WDR70: variants seen among roughly 807,000 people sequenced by gnomAD.
WDR70 encodes the protein WD repeat domain 70, also known as WD repeat-containing protein 70.
Under a neutral mutation model 88.6 loss-of-function variants are expected in WDR70, and 53 were observed. The ratio of observed to expected loss-of-function variants is 0.60; its 90% CI spans 0.48 to 0.75. The LOEUF (loss-of-function observed/expected upper bound fraction) is 0.75, where lower values mean the gene tolerates loss of function less well. Among genes scored for constraint, WDR70 ranks in the 30% least tolerant of loss-of-function variants. The pLI is 0.00. For synonymous variants in WDR70, 280 were observed against 270.0 expected (o/e 1.04, Z -0.36); for missense variants, 610 against 823.2 (o/e 0.74, Z 3.17).
chr5:37,404,401 C>A (rs918435423), intron 5 of WDR70, among the ~76,000 whole-genome samples: 31 of 152,064 alleles, frequency 2.0e-4, no homozygotes, highest in Non-Finnish European at 4.1e-4. Flanking sequence ...ATAGTGAAGC[C>A]ACTTTAAAGG....
At chr5:37,501,539 A>G (rs1225589051) in intron 8 of WDR70, among the ~76,000 whole-genome samples, 1 of 152,196 alleles carries the variant, frequency 6.6e-6, no homozygotes, top group African/African-American at 2.4e-5. Flanking sequence ...GTATTTTAAG[A>G]AAGTTTACAC....
intron 10 of WDR70, among the ~76,000 whole-genome samples, chr5:37,666,029 C>G (rs372870853): frequency 1.3e-5 from 2 of 152,170 alleles, no homozygotes; most frequent in Non-Finnish European, 2.9e-5. Context: ...AGCTTGGCAG[C>G]CAGGCTGAGG....
chr5:37,680,448 G>C (rs1484843608), intron 10 of WDR70, among the ~76,000 whole-genome samples: 8 of 152,076 alleles, frequency 5.3e-5, no homozygotes, highest in Non-Finnish European at 8.8e-5. Context: ...ATTGCTTTTG[G>C]CATGTTCATC....
At chr5:37,653,121 C>G (rs1745454235) in intron 10 of WDR70, among the ~76,000 whole-genome samples, 1 of 152,066 alleles carries the variant, frequency 6.6e-6, no homozygotes, top group Non-Finnish European at 1.5e-5. Context: ...TTCATCAATA[C>G]CTAGTTTCTT....
chr5:37,473,921 C>A (rs1739402537), intron 7 of WDR70, among the ~76,000 whole-genome samples: 3 of 152,098 alleles, frequency 2.0e-5, no homozygotes, highest in African/African-American at 7.2e-5. Flanking sequence ...ATGTTTAGAT[C>A]ATTGATTAAA....
intron 10 of WDR70, among the ~76,000 whole-genome samples, chr5:37,662,870 G>A (rs569179917): frequency 3.3e-5 from 5 of 152,268 alleles, no homozygotes; most frequent in African/African-American, 4.8e-5. Flanking sequence ...AAAGGGCTAC[G>A]TCAGTAGGAT....
At chr5:37,564,396 T>A (rs1436431153) in intron 9 of WDR70, among the ~76,000 whole-genome samples, 2 of 152,164 alleles carry the variant, frequency 1.3e-5, no homozygotes, top group African/African-American at 4.8e-5. Context: ...GTGTGGCGGC[T>A]TGCGCCTGCA....
At chr5:37,693,514 T>C (rs886623537) in intron 10 of WDR70, among the ~76,000 whole-genome samples, 15 of 152,112 alleles carry the variant, frequency 9.9e-5, no homozygotes, top group African/African-American at 3.4e-4. Context: ...AAAACAGATA[T>C]ATAGACCAAT....
chr5:37,475,207 ACGGT>A (rs1739442526), intron 7 of WDR70, among the ~76,000 whole-genome samples: 1 of 147,900 alleles, frequency 6.8e-6, no homozygotes, highest in Admixed American at 6.8e-5. Flanking sequence ...GGTGTGAGCC[ACGGT>A]ACCCATCCTT....
At chr5:37,669,863 A>T (rs1745970401) in intron 10 of WDR70, among the ~76,000 whole-genome samples, 1 of 152,256 alleles carries the variant, frequency 6.6e-6, no homozygotes, top group African/African-American at 2.4e-5. Context: ...GTGCTGATAC[A>T]TACTGCAACA....
chr5:37,497,349 C>G (rs1222544685), intron 8 of WDR70, among the ~76,000 whole-genome samples: 1 of 140,600 alleles, frequency 7.1e-6, no homozygotes, highest in Non-Finnish European at 1.6e-5. Context: ...TTCCCTCTTC[C>G]CTTCTCTTCC....
intron 9 of WDR70, among the ~76,000 whole-genome samples, chr5:37,570,011 A>G (rs1336509554): frequency 2.0e-5 from 3 of 152,172 alleles, no homozygotes; most frequent in Non-Finnish European, 4.4e-5. Context: ...AAACCAGGTT[A>G]TGCAAGATGC....
chr5:37,593,601 A>G (rs1561915219), intron 9 of WDR70, among the ~76,000 whole-genome samples: 1 of 152,240 alleles, frequency 6.6e-6, no homozygotes, highest in Non-Finnish European at 1.5e-5. Context: ...ATAGTGCCAC[A>G]ATAAACATAT....
At chr5:37,439,552 C>A (rs1750586884) in intron 6 of WDR70, among the ~76,000 whole-genome samples, 5 of 149,542 alleles carry the variant, frequency 3.3e-5, no homozygotes, top group Non-Finnish European at 7.4e-5. Context: ...AGAAACATAA[C>A]TTAAAAAATA....
chr5:37,613,960 C>T (rs993172428), intron 10 of WDR70, among the ~76,000 whole-genome samples: 1 of 152,220 alleles, frequency 6.6e-6, no homozygotes, highest in Non-Finnish European at 1.5e-5. Flanking sequence ...AAATCTAGCC[C>T]ACTACCTGTT....
At chr5:37,654,526 T>C (rs1561052811) in intron 10 of WDR70, among the ~76,000 whole-genome samples, 2 of 152,178 alleles carry the variant, frequency 1.3e-5, no homozygotes, top group Non-Finnish European at 2.9e-5. Flanking sequence ...TTGATCTGTG[T>C]AATACTGATA....
rs575291666 is a variant in WDR70 at position 37,664,024 on chromosome 5, C to T, written c.1093-33631C>T. Among the ~76,000 whole-genome samples, 342 of 152,264 alleles carry T rather than the reference C, an allele frequency of 2.2e-3. 4 individuals carry two copies. Among genetic ancestry groups the T allele is most frequent in the African/African-American group, 7.9e-3 (330 of 41,544 alleles). On this transcript the variant is annotated intron_variant, in intron 10 of 17. Coordinates refer to ENST00000265107, the MANE Select transcript of WDR70 (RefSeq NM_018034.4). ...GAGTAGACTATATTTGCAACATCCA[C>T]TTCACAAATTAGCTGGAACTGCCCA...
intron 10 of WDR70, among the ~76,000 whole-genome samples, chr5:37,647,624 G>A (rs1397817188): frequency 1.3e-5 from 2 of 152,168 alleles, no homozygotes; most frequent in South Asian, 2.1e-4. Flanking sequence ...GGTGGCTCTC[G>A]CACACTCATA....
At chr5:37,519,610 C>T (rs756720936) in intron 9 of WDR70, among the ~76,000 whole-genome samples, 2 of 88,826 alleles carry the variant, frequency 2.3e-5, no homozygotes, top group African/African-American at 4.5e-5. Flanking sequence ...TCCCAGACGG[C>T]GTGGCCGGGC....
Sources: gnomAD v4.1 joint callset for allele counts (sites outside exome capture counted in the v4.1 genomes callset) on GRCh38, gnomAD v4.1.1 for gene constraint, MANE v1.5 for transcripts, NCBI Gene and HGNC (gene_info 2026-07-23, HGNC 2026-07-21) for gene names.